The following NSUN6 variants were observed in gnomAD, a reference collection of about 807,000 sequenced individuals.
The protein encoded by NSUN6 is tRNA (cytosine(72)-C(5))-methyltransferase NSUN6.
A neutral mutation model predicts 58.0 loss-of-function variants in NSUN6; 64 were observed. The observed-to-expected ratio is 1.10, with a 90% CI of 0.90 to 1.36. The LOEUF is 1.36. Ranked by LOEUF, NSUN6 falls within the 40% of genes most tolerant of loss-of-function variation. NSUN6 has a pLI of 0.00. For missense variants in NSUN6, 701 were observed against 550.1 expected (o/e 1.27, Z -2.74); for synonymous variants, 231 against 193.9 (o/e 1.19, Z -1.59).
At chr10:18,546,240 G>T in intron 10 of NSUN6, 95 bp from the exon 11 acceptor site, 1 of 866,762 alleles carries the variant, frequency 1.2e-6, no homozygotes, top group South Asian at 1.4e-5. Context: ...GGGCTGTAAC[G>T]ACTACATCTT....
chr10:18,603,962 T>C lies in NSUN6; in HGVS notation c.657+5883A>G, dbSNP rs1043459874. Among the ~76,000 whole-genome samples, 7 of 152,186 alleles carry C rather than the reference T, an allele frequency of 4.6e-5. No individual in the cohort carries two copies. The East Asian group carries it at 1.4e-3, about 30-fold the overall frequency. The stretch of plus-strand genomic sequence containing the variant: ...ACTTTGGGAGATTAAGGCAGGCAGA[T>C]CACGAAGTCAAGAGATCGAGACCAT... On this transcript the variant is annotated intron_variant, in intron 6 of 10. Coordinates refer to ENST00000377304, the MANE Select transcript of NSUN6 (RefSeq NM_182543.5).
At chr10:18,634,116 G>A (rs1432289063) in intron 3 of NSUN6, among the ~76,000 whole-genome samples, 1 of 152,122 alleles carries the variant, frequency 6.6e-6, no homozygotes, top group Admixed American at 6.5e-5. Context: ...TTCATTGGTG[G>A]CACACACATA....
At chr10:18,575,746 T>C (rs1193777476) in intron 8 of NSUN6, among the ~76,000 whole-genome samples, 1 of 152,218 alleles carries the variant, frequency 6.6e-6, no homozygotes, top group East Asian at 1.9e-4. Context: ...TACTGGTCTT[T>C]CTCCTTATGA....
intron 2 of NSUN6, among the ~76,000 whole-genome samples, chr10:18,645,639 T>C (rs2059525384): frequency 6.6e-6 from 1 of 152,216 alleles, no homozygotes; most frequent in African/African-American, 2.4e-5. Flanking sequence ...AGCTGATGTA[T>C]ATTTGGAGTA....
At chr10:18,628,164 A>AG (rs1237633008) in intron 3 of NSUN6, among the ~76,000 whole-genome samples, 3 of 152,146 alleles carry the variant, frequency 2.0e-5, no homozygotes, top group African/African-American at 4.8e-5. Flanking sequence ...TCACACGGTC[A>AG]GGTACTCCAA....
intron 6 of NSUN6, among the ~76,000 whole-genome samples, chr10:18,600,941 A>AAAAAAATAT (rs1487679670): frequency 1.4e-4 from 6 of 43,538 alleles, no homozygotes; most frequent in Admixed American, 2.9e-4. Flanking sequence ...AAAAAAAAAA[A>AAAAAAATAT]ATATATATAT....
At chr10:18,588,950 G>A (rs1303445317) in intron 7 of NSUN6, among the ~76,000 whole-genome samples, 1 of 152,166 alleles carries the variant, frequency 6.6e-6, no homozygotes, top group Non-Finnish European at 1.5e-5. Flanking sequence ...GCTTCTGAAG[G>A]TGGGTAATAA....
At chr10:18,549,174 A>G (rs187188599) in intron 9 of NSUN6, among the ~76,000 whole-genome samples, 12 of 152,276 alleles carry the variant, frequency 7.9e-5, no homozygotes, top group Admixed American at 7.8e-4. Flanking sequence ...GATCACTTAG[A>G]GTCAAAGACA....
At chr10:18,633,077 T>C (rs2059092935) in intron 3 of NSUN6, among the ~76,000 whole-genome samples, 1 of 151,798 alleles carries the variant, frequency 6.6e-6, no homozygotes, top group Non-Finnish European at 1.5e-5. Context: ...TATGCAGCCA[T>C]AAAAAATGAT....
chr10:18,578,616 G>A (rs1372683237), intron 8 of NSUN6, among the ~76,000 whole-genome samples: 2 of 152,092 alleles, frequency 1.3e-5, no homozygotes, highest in Admixed American at 6.6e-5. Context: ...TAGACTGTTG[G>A]TTTATATTCT....
chr10:18,556,246 C>A (rs1484382144), intron 8 of NSUN6, among the ~76,000 whole-genome samples: 3 of 138,110 alleles, frequency 2.2e-5, no homozygotes, highest in South Asian at 4.6e-4. Context: ...GAATGGAATG[C>A]GAATAGAATG....
chr10:18,626,464 G>C (rs1478073376), intron 3 of NSUN6, among the ~76,000 whole-genome samples: 2 of 152,142 alleles, frequency 1.3e-5, no homozygotes, highest in Admixed American at 1.3e-4. Flanking sequence ...TCTCATAATG[G>C]AAAGTCAAAA....
chr10:18,629,758 T>C (rs924790642), intron 3 of NSUN6, among the ~76,000 whole-genome samples: 5 of 146,420 alleles, frequency 3.4e-5, no homozygotes, highest in African/African-American at 1.3e-4. Flanking sequence ...ATAAAGCAAG[T>C]CCTGAGTGAC....
intron 6 of NSUN6, among the ~76,000 whole-genome samples, chr10:18,599,839 A>G (rs2057735920): frequency 6.6e-6 from 1 of 152,256 alleles, no homozygotes; most frequent in African/African-American, 2.4e-5. Context: ...TATAACTTTG[A>G]AAACAGTTGC....
chr10:18,583,060 A>G (rs1227783519), intron 8 of NSUN6, among the ~76,000 whole-genome samples: 2 of 152,194 alleles, frequency 1.3e-5, no homozygotes, highest in Non-Finnish European at 2.9e-5. Flanking sequence ...GAAAAACCAC[A>G]GCCAAAAACC....
chr10:18,642,653 C>CT (rs1387377846), intron 2 of NSUN6, 98 bp from the exon 3 acceptor site: 2 of 619,086 alleles, frequency 3.2e-6, no homozygotes, highest in Non-Finnish European at 5.8e-6. Flanking sequence ...GCATGAAGCC[C>CT]TAGTAGCTCT....
intron 6 of NSUN6, among the ~76,000 whole-genome samples, chr10:18,598,983 GA>G: frequency 6.6e-6 from 1 of 152,202 alleles, no homozygotes; most frequent in Admixed American, 6.5e-5. Context: ...TGTAATAAGT[GA>G]AAAAATATAA....
chr10:18,625,273 T>G (rs139619313), intron 3 of NSUN6, among the ~76,000 whole-genome samples: 2 of 152,230 alleles, frequency 1.3e-5, no homozygotes, highest in Non-Finnish European at 2.9e-5. Context: ...GAATCTCTGA[T>G]GCAGGTAATA....
chr10:18,558,853 T>C (rs1181799228), intron 8 of NSUN6, among the ~76,000 whole-genome samples: 1 of 149,114 alleles, frequency 6.7e-6, no homozygotes, highest in African/African-American at 2.5e-5. Flanking sequence ...GAATGGAGAA[T>C]GCAATGGAAT....
Sources: gnomAD v4.1 joint callset for allele counts (sites outside exome capture counted in the v4.1 genomes callset) on GRCh38, gnomAD v4.1.1 for gene constraint, MANE v1.5 for transcripts, NCBI Gene and HGNC (gene_info 2026-07-23, HGNC 2026-07-21) for gene names.